The following CADM2 variants were observed in gnomAD, a reference collection of about 807,000 sequenced individuals.
CADM2 encodes immunoglobulin superfamily member 4D.
In CADM2, 12 loss-of-function variants were observed where a neutral mutation model predicts 49.8. The observed-to-expected ratio is 0.24, with a 90% CI of 0.15 to 0.39. The LOEUF (loss-of-function observed/expected upper bound fraction) is 0.39. Ranked by LOEUF, CADM2 falls within the 10% of genes least tolerant of loss-of-function variation. The pLI, the probability that CADM2 is intolerant of heterozygous loss-of-function variation, is 1.00. For synonymous variants in CADM2, 214 were observed against 175.4 expected (o/e 1.22, Z -1.74); for missense variants, 378 against 492.3 (o/e 0.77, Z 2.20).
chr3:85,241,865 A>G (rs2042538321), intron 1 of CADM2, among the ~76,000 whole-genome samples: 1 of 151,544 alleles, frequency 6.6e-6, no homozygotes, highest in African/African-American at 2.4e-5. Flanking sequence ...TAGAGGACGC[A>G]TTTTATGCAG....
chr3:86,048,719 A>C (rs939969477), intron 8 of CADM2, among the ~76,000 whole-genome samples: 1 of 152,092 alleles, frequency 6.6e-6, no homozygotes, highest in Non-Finnish European at 1.5e-5. Context: ...ATCTGTTTCC[A>C]TTGACATGAC....
At chr3:85,954,717 T>C (rs1723835775) in intron 7 of CADM2, among the ~76,000 whole-genome samples, 1 of 151,226 alleles carries the variant, frequency 6.6e-6, no homozygotes. Flanking sequence ...AATCTTTTAC[T>C]TGAACAATTT....
rs1469132434 is a variant in CADM2, at chr3:85,487,586, GAGGAGA to G, written c.62-238930_62-238925del. 1.7e-4 allele frequency among the ~76,000 whole-genome samples: 25 copies of G among 150,902 alleles called. No homozygotes were observed. The South Asian group carries it at 5.3e-3, about 32-fold the overall frequency. On this transcript the variant is annotated intron_variant, in intron 1 of 9. Coordinates refer to ENST00000383699, the MANE Select transcript of CADM2 (RefSeq NM_001167675.2). ...GGAATAGGAGGAGGAGGAAGTGGAG[GAGGAGA>G]AGGAGGAAGTGGAGGAGGAGGAGGA...
chr3:85,932,242 A>G (rs1234714766), intron 6 of CADM2, among the ~76,000 whole-genome samples: 1 of 152,170 alleles, frequency 6.6e-6, no homozygotes, highest in African/African-American at 2.4e-5. Flanking sequence ...CACTGCGTGG[A>G]TGCTAGTGGT....
rs115013502 is a variant in CADM2, at chr3:85,250,520, A to G, written c.61+290852A>G. The stretch of plus-strand genomic sequence containing the variant: ...GAATGATAATATTATTAGACAATAC[A>G]CAACTACACAAATTGAGCAAATGTA... On this transcript the variant is annotated intron_variant, in intron 1 of 9. Coordinates refer to ENST00000383699, the MANE Select transcript of CADM2 (RefSeq NM_001167675.2). Among the ~76,000 whole-genome samples the G allele has an allele frequency of 1.9e-3, 292 of 151,776 alleles. 2 individuals are homozygous for G. The highest frequency in any genetic ancestry group is 6.7e-3 in the African/African-American group (280 of 41,572).
chr3:85,176,269 A>T (rs1372196072), intron 1 of CADM2, among the ~76,000 whole-genome samples: 1 of 152,076 alleles, frequency 6.6e-6, no homozygotes, highest in African/African-American at 2.4e-5. Flanking sequence ...CAGCAGCCAT[A>T]CCCTCTCACC....
chr3:86,021,019 C>A (rs951691220), intron 8 of CADM2, among the ~76,000 whole-genome samples: 1 of 152,108 alleles, frequency 6.6e-6, no homozygotes, highest in Non-Finnish European at 1.5e-5. Context: ...GAGACAGAGT[C>A]TTATTCTGTC....
chr3:85,754,074 C>T (rs1180908156), intron 2 of CADM2, among the ~76,000 whole-genome samples: 1 of 152,120 alleles, frequency 6.6e-6, no homozygotes, highest in Non-Finnish European at 1.5e-5. Context: ...GTGCACGTGT[C>T]GTGTGTTTAC....
At chr3:85,616,223 T>C (rs1172664269) in intron 1 of CADM2, among the ~76,000 whole-genome samples, 1 of 150,702 alleles carries the variant, frequency 6.6e-6, no homozygotes, top group African/African-American at 2.4e-5. Flanking sequence ...AAAAACTGTT[T>C]ACAAAAACAA....
intron 1 of CADM2, among the ~76,000 whole-genome samples, chr3:85,148,778 A>G (rs1172316884): frequency 6.6e-6 from 1 of 152,228 alleles, no homozygotes; most frequent in Non-Finnish European, 1.5e-5. Context: ...AATGTTCTTA[A>G]GAATATAAGG....
intron 1 of CADM2, among the ~76,000 whole-genome samples, chr3:85,350,492 T>C (rs562658544): frequency 6.6e-6 from 1 of 152,258 alleles, no homozygotes; most frequent in South Asian, 2.1e-4. Flanking sequence ...TTACCTGTCT[T>C]CCAAAAAACC....
chr3:85,274,867 G>A (rs1190890187), intron 1 of CADM2, among the ~76,000 whole-genome samples: 1 of 151,380 alleles, frequency 6.6e-6, no homozygotes, highest in Admixed American at 6.6e-5. Flanking sequence ...GAATTGAGAA[G>A]GAGTTTTCTC....
At chr3:85,891,018 G>A (rs1389752187) in intron 5 of CADM2, among the ~76,000 whole-genome samples, 5 of 152,086 alleles carry the variant, frequency 3.3e-5, no homozygotes, top group Non-Finnish European at 5.9e-5. Flanking sequence ...GCAATAGTGA[G>A]ACTTTTTTTT....
chr3:85,758,305 C>T (rs940895598), intron 2 of CADM2, among the ~76,000 whole-genome samples: 1 of 152,064 alleles, frequency 6.6e-6, no homozygotes, highest in African/African-American at 2.4e-5. Flanking sequence ...CTCAGTGATG[C>T]TGATCATTAT....
At chr3:85,578,264 CA>C (rs1245432360) in intron 1 of CADM2, among the ~76,000 whole-genome samples, 2 of 152,040 alleles carry the variant, frequency 1.3e-5, no homozygotes, top group African/African-American at 4.8e-5. Context: ...AGTTTCAAAA[CA>C]AAGCTAAAAT....
intron 1 of CADM2, among the ~76,000 whole-genome samples, chr3:85,402,285 AT>A (rs1345788159): frequency 2.0e-5 from 3 of 151,942 alleles, no homozygotes; most frequent in African/African-American, 4.8e-5. Context: ...CCATAATAGT[AT>A]TTTTTTAGTA....
intron 1 of CADM2, among the ~76,000 whole-genome samples, chr3:85,007,020 CTA>C (rs1258995686): frequency 2.0e-5 from 3 of 151,968 alleles, no homozygotes; most frequent in South Asian, 4.1e-4. Context: ...TTAATTCTTA[CTA>C]TATATTTACA....
At chr3:86,043,895 G>A (rs1269997928) in intron 8 of CADM2, among the ~76,000 whole-genome samples, 2 of 152,162 alleles carry the variant, frequency 1.3e-5, no homozygotes, top group African/African-American at 2.4e-5. Flanking sequence ...AGAGCCCTCA[G>A]AAATAGTGCT....
At chr3:85,499,730 T>C (rs1261794598) in intron 1 of CADM2, among the ~76,000 whole-genome samples, 1 of 152,140 alleles carries the variant, frequency 6.6e-6, no homozygotes, top group Non-Finnish European at 1.5e-5. Flanking sequence ...CCTAATGTTA[T>C]GGTAGCGGGG....
Sources: allele counts gnomAD v4.1 joint callset (sites outside exome capture counted in the v4.1 genomes callset), GRCh38; gene constraint gnomAD v4.1.1; transcripts MANE v1.5; gene names NCBI Gene and HGNC (gene_info 2026-07-23, HGNC 2026-07-21).